KCNG2: variants seen among roughly 807,000 people sequenced by gnomAD.
The protein encoded by KCNG2 is voltage-gated potassium channel regulatory subunit KCNG2.
KCNG2 carries 7 observed loss-of-function variants against 12.3 expected under a neutral mutation model. That is an observed-to-expected ratio of 0.57 (90% CI 0.32 to 1.07). KCNG2 has a LOEUF of 1.07. Among genes scored for constraint, KCNG2 ranks in the 50% least tolerant of loss-of-function variants. The probability of loss-of-function intolerance (pLI) is 0.04; values close to 1 mark genes in which losing one functional copy is unlikely to be tolerated. For synonymous variants in KCNG2, 414 were observed against 351.4 expected (o/e 1.18, Z -1.99); for missense variants, 703 against 726.0 (o/e 0.97, Z 0.36).
At chr18:79,865,494 G>T (rs1206962711) in intron 3 of KCNG2, among the ~76,000 whole-genome samples, 1 of 122,830 alleles carries the variant, frequency 8.1e-6, no homozygotes. Flanking sequence ...GGTGCTGAGA[G>T]GTCTGAGTGC....
chr18:79,856,616 C>T (rs953383034), intron 2 of KCNG2, among the ~76,000 whole-genome samples, 164 bp downstream of exon 2: 1 of 152,172 alleles, frequency 6.6e-6, no homozygotes, highest in African/African-American at 2.4e-5. Context: ...AGGCATGCCT[C>T]ACAGGCAGCC....
chr18:79,819,049 A>G (rs1310940566), intron 1 of KCNG2, among the ~76,000 whole-genome samples: 4 of 152,236 alleles, frequency 2.6e-5, no homozygotes, highest in African/African-American at 7.2e-5. Context: ...TAAGAATAGC[A>G]TCAGGAGATG....
intron 1 of KCNG2, among the ~76,000 whole-genome samples, chr18:79,805,050 CTG>C (rs2122988333): frequency 6.6e-6 from 1 of 152,296 alleles, no homozygotes; most frequent in Admixed American, 6.5e-5. Flanking sequence ...TTATCAAACT[CTG>C]TTTCTGTGTC....
intron 1 of KCNG2, among the ~76,000 whole-genome samples, chr18:79,852,149 C>G (rs970100656): frequency 3.9e-5 from 6 of 152,074 alleles, no homozygotes; most frequent in African/African-American, 1.4e-4. Context: ...GGGGGGATGG[C>G]AAGCGCTGTG....
chr18:79,867,617 G>A (rs1045242738), intron 3 of KCNG2, among the ~76,000 whole-genome samples: 1 of 151,774 alleles, frequency 6.6e-6, no homozygotes, highest in African/African-American at 2.4e-5. Flanking sequence ...GTGAGCTCCG[G>A]GCCCTGGGCC....
chr18:79,820,236 T>G (rs914653257), intron 1 of KCNG2, among the ~76,000 whole-genome samples: 3 of 152,178 alleles, frequency 2.0e-5, no homozygotes, highest in Non-Finnish European at 4.4e-5. Flanking sequence ...CTCCCCACCT[T>G]TTGGCTAATG....
In KCNG2 at chr18:79,858,685, G is replaced by A. The variant is rs546945746; in HGVS notation, c.-41+2233G>A. ...GCTGTGACATTTTATATTCCCACCA[G>A]CAATGTACAGGGGTCCAATTTTTCC... On this transcript the variant is annotated intron_variant, in intron 2 of 3. Coordinates refer to ENST00000316249, the MANE Select transcript of KCNG2 (RefSeq NM_012283.2). 3.9e-5 allele frequency among the ~76,000 whole-genome samples: 6 copies of A among 152,116 alleles called. No homozygotes were observed. The South Asian group carries it at 6.2e-4, about 16-fold the overall frequency.
At chr18:79,846,374 CAAAAAAAAAAAAA>C (rs11421957) in intron 1 of KCNG2, among the ~76,000 whole-genome samples, 1 of 61,598 alleles carries the variant, frequency 1.6e-5, no homozygotes, top group Non-Finnish European at 2.8e-5. Flanking sequence ...GACTCCGTCT[CAAAAAAAAAAAAA>C]AAAAAAAAGA....
chr18:79,799,026 C>T (rs776296382), intron 1 of KCNG2, among the ~76,000 whole-genome samples: 5 of 152,228 alleles, frequency 3.3e-5, no homozygotes, highest in African/African-American at 4.8e-5. Context: ...ATTCGACCTG[C>T]CTGGAGAATT....
At chr18:79,857,308 T>C (rs1017216471) in intron 2 of KCNG2, among the ~76,000 whole-genome samples, 8 of 149,308 alleles carry the variant, frequency 5.4e-5, no homozygotes, top group African/African-American at 2.0e-4. Context: ...GTGGTCCCGG[T>C]GATTATGGAG....
intron 1 of KCNG2, among the ~76,000 whole-genome samples, chr18:79,816,705 G>T (rs2087530954): frequency 6.6e-6 from 1 of 152,216 alleles, no homozygotes; most frequent in Non-Finnish European, 1.5e-5. Context: ...CTGGGACGAT[G>T]TTCTCGCCGA....
At chr18:79,881,370 G>A (rs1599425785) in intron 3 of KCNG2, among the ~76,000 whole-genome samples, 1 of 152,272 alleles carries the variant, frequency 6.6e-6, no homozygotes, top group South Asian at 2.1e-4. Flanking sequence ...GAAACACGCC[G>A]TATGATTGGA....
In KCNG2 at chr18:79,863,868, C is replaced by CGT; in HGVS notation, c.202_203insTG (p.Glu68ValfsTer130). ...GTGACGACTACGACGTGAGCCGCGA[C>CGT]GAGTTCTTCTTCGACCGCAGCCCGT... On this transcript the variant is annotated frameshift_variant, in exon 3 of 4. Transcript: ENST00000316249. LOFTEE classifies it high-confidence loss of function. 6.8e-7 allele frequency: 1 copy of CGT among 1,472,572 alleles called. No homozygotes were observed. The highest frequency in any genetic ancestry group is 9.0e-7 in the Non-Finnish European group (1 of 1,109,544). 91.2% of individuals were successfully genotyped at this position (1,472,572 alleles called of 1,614,324 possible).
chr18:79,847,153 A>C (rs1184109904), intron 1 of KCNG2, among the ~76,000 whole-genome samples: 9 of 152,248 alleles, frequency 5.9e-5, no homozygotes, highest in Admixed American at 3.9e-4. Flanking sequence ...TCTGAGCTTC[A>C]GTGAAAAATC....
At chr18:79,863,509 A>AG (rs1215459119) in intron 2 of KCNG2, among the ~76,000 whole-genome samples, 119 bp from the exon 3 acceptor site, 1 of 152,152 alleles carries the variant, frequency 6.6e-6, no homozygotes, top group African/African-American at 2.4e-5. Flanking sequence ...GGGCGGGCGG[A>AG]GGGGTCTCCG....
chr18:79,816,942 G>A (rs903833798), intron 1 of KCNG2, among the ~76,000 whole-genome samples: 6 of 152,248 alleles, frequency 3.9e-5, no homozygotes, highest in African/African-American at 1.4e-4. Flanking sequence ...TACATGGCCT[G>A]AAAGGCACGG....
At chr18:79,806,304 G>T (rs1355491807) in intron 1 of KCNG2, among the ~76,000 whole-genome samples, 1 of 152,226 alleles carries the variant, frequency 6.6e-6, no homozygotes, top group Non-Finnish European at 1.5e-5. Context: ...GCTGTGTCGG[G>T]GGTCGGGGCA....
At chr18:79,885,655 C>T (rs1474230772) in intron 3 of KCNG2, among the ~76,000 whole-genome samples, 4 of 152,236 alleles carry the variant, frequency 2.6e-5, no homozygotes, top group East Asian at 1.9e-4. Flanking sequence ...AGGACAGTGC[C>T]CTGGGGCCAG....
At chr18:79,849,619 C>T (rs1423071537) in intron 1 of KCNG2, among the ~76,000 whole-genome samples, 3 of 152,258 alleles carry the variant, frequency 2.0e-5, no homozygotes, top group Non-Finnish European at 4.4e-5. Context: ...TCTTAGCTGT[C>T]GTGGTTTCTG....
Sources: allele counts gnomAD v4.1 joint callset (sites outside exome capture counted in the v4.1 genomes callset), GRCh38; gene constraint gnomAD v4.1.1; transcripts MANE v1.5; gene names NCBI Gene and HGNC (gene_info 2026-07-23, HGNC 2026-07-21).